FANK1: variants seen among roughly 807,000 people sequenced by gnomAD.
The protein encoded by FANK1 is fibronectin type 3 and ankyrin repeat domains protein 1.
A neutral mutation model predicts 45.3 loss-of-function variants in FANK1; 44 were observed. That is an observed-to-expected ratio of 0.97 (90% CI 0.76 to 1.25). The LOEUF is 1.25. Ranked by LOEUF, FANK1 falls within the 50% of genes most tolerant of loss-of-function variation. The probability of loss-of-function intolerance (pLI) is 0.00; values close to 1 mark genes in which losing one functional copy is unlikely to be tolerated. For missense variants in FANK1, 391 were observed against 424.4 expected, an observed-to-expected ratio of 0.92 and a Z score of 0.69; for synonymous variants, 149 against 152.5, an observed-to-expected ratio of 0.98 and a Z score of 0.17.
At chr10:125,978,045 G>C (rs1164969642) in intron 1 of FANK1, among the ~76,000 whole-genome samples, 1 of 152,164 alleles carries the variant, frequency 6.6e-6, no homozygotes, top group Non-Finnish European at 1.5e-5. Flanking sequence ...GTCCAGTGAG[G>C]AGATATGGAC....
At chr10:125,972,271 C>T (rs912721872) in intron 1 of FANK1, 3 of 152,166 alleles carry the variant, frequency 2.0e-5, no homozygotes, top group African/African-American at 7.2e-5. Flanking sequence ...TCTGTCGGCT[C>T]TTACCAAGGC....
At chr10:125,931,648 A>T (rs1947758585) in intron 1 of FANK1, among the ~76,000 whole-genome samples, 1 of 151,588 alleles carries the variant, frequency 6.6e-6, no homozygotes. Flanking sequence ...ATTTTCTCCC[A>T]CTCTGTGGGT....
chr10:125,898,079 G>T (rs1224100520), intron 1 of FANK1, among the ~76,000 whole-genome samples: 1 of 148,096 alleles, frequency 6.8e-6, no homozygotes, highest in African/African-American at 2.5e-5. Context: ...TATTTGGGAC[G>T]CTGAGGCCGA....
chr10:125,938,772 G>C (rs1425723337), intron 1 of FANK1, among the ~76,000 whole-genome samples: 1 of 152,082 alleles, frequency 6.6e-6, no homozygotes, highest in African/African-American at 2.4e-5. Flanking sequence ...TTGCACCACT[G>C]CACTCCAGTC....
intron 1 of FANK1, among the ~76,000 whole-genome samples, chr10:125,959,963 A>G (rs1949816573): frequency 6.6e-6 from 1 of 152,212 alleles, no homozygotes; most frequent in Admixed American, 6.5e-5. Context: ...AAAAACAAAC[A>G]AACAAAAAAC....
In FANK1 at chr10:126,002,237, A is replaced by C. The variant is rs546701209; in HGVS notation, c.540-2647A>C. Among the ~76,000 whole-genome samples, 59 of 152,270 alleles carry C rather than the reference A, an allele frequency of 3.9e-4. 1 individual carries two copies. The highest frequency in any genetic ancestry group is 7.1e-4 in the Non-Finnish European group (48 of 68,002). ...TGAATCAGGAGAATCACTAGAACCC[A>C]GGAGGCGGAGGTTGCAGTGAGCCAA... On this transcript the variant is annotated intron_variant, in intron 6 of 10. Transcript: ENST00000368693.
At chr10:125,912,443 AGTGTGTGTGTGTGTGTGTG>A (rs1946093527) in intron 1 of FANK1, among the ~76,000 whole-genome samples, 1 of 147,194 alleles carries the variant, frequency 6.8e-6, no homozygotes, top group African/African-American at 2.5e-5. Context: ...GCACCACCAA[AGTGTGTGTGTGTGTGTGTG>A]TGTGTGTGTG....
intron 6 of FANK1, among the ~76,000 whole-genome samples, chr10:126,003,407 A>T (rs915262852): frequency 2.0e-5 from 3 of 152,310 alleles, no homozygotes; most frequent in Admixed American, 1.3e-4. Flanking sequence ...AATTAAAAAA[A>T]AATTAAAGGC....
intron 1 of FANK1, among the ~76,000 whole-genome samples, chr10:125,900,495 A>G (rs77981913): frequency 6.6e-6 from 1 of 151,910 alleles, no homozygotes; most frequent in African/African-American, 2.4e-5. Flanking sequence ...TAAAAACTGT[A>G]TATTTATCAA....
chr10:125,984,863 T>C (rs1024167133), intron 2 of FANK1, among the ~76,000 whole-genome samples: 5 of 152,216 alleles, frequency 3.3e-5, no homozygotes, highest in Non-Finnish European at 7.3e-5. Context: ...CACTCTAAGA[T>C]TCATTTATTT....
chr10:125,970,321 G>A (rs1381507161), intron 1 of FANK1, among the ~76,000 whole-genome samples: 1 of 152,062 alleles, frequency 6.6e-6, no homozygotes, highest in Admixed American at 6.5e-5. Flanking sequence ...CGGCGGCCGG[G>A]CGGAGGCGCT....
chr10:125,902,272 T>C (rs1163213804), intron 1 of FANK1, among the ~76,000 whole-genome samples: 3 of 152,168 alleles, frequency 2.0e-5, no homozygotes, highest in African/African-American at 7.2e-5. Flanking sequence ...AATAATTAAA[T>C]AAAAAATTCT....
intron 7 of FANK1, among the ~76,000 whole-genome samples, chr10:126,006,597 T>C (rs544928029): frequency 2.1e-3 from 314 of 152,300 alleles, no homozygotes; most frequent in Non-Finnish European, 3.6e-3. Flanking sequence ...CAGTGGCTTA[T>C]GCCTGTAATC....
At chr10:125,964,961 C>G (rs796391993) in intron 1 of FANK1, among the ~76,000 whole-genome samples, 1 of 152,192 alleles carries the variant, frequency 6.6e-6, no homozygotes. Context: ...GAGTTCGAGA[C>G]CAGCCTGACT....
At chr10:126,008,351 A>G in intron 7 of FANK1, 56 bp from the exon 8 acceptor site, 1 of 1,519,622 alleles carries the variant, frequency 6.6e-7, no homozygotes, top group Non-Finnish European at 8.8e-7. Flanking sequence ...TATAAGTTTG[A>G]ATCATTTTAA....
rs73372529 is a variant in FANK1 at position 126,003,083 on chromosome 10, G to T, written c.540-1801G>T. On this transcript the variant is annotated intron_variant, in intron 6 of 10. Transcript: ENST00000368693. ...GCCATTCTCTCTCTTTATAGTCTCT[G>T]GTTCTAGACCAGTCCTCTCTTTAAA... Among the ~76,000 whole-genome samples the T allele has an allele frequency of 7.5e-3, 1,118 of 149,778 alleles. 14 individuals are homozygous for T. Among genetic ancestry groups the T allele is most frequent in the African/African-American group, 0.024 (959 of 40,758 alleles).
intron 1 of FANK1, among the ~76,000 whole-genome samples, chr10:125,911,212 A>G (rs1945975844): frequency 6.6e-6 from 1 of 152,142 alleles, no homozygotes; most frequent in Admixed American, 6.5e-5. Flanking sequence ...AAGAAACGTC[A>G]GACTCAGGCA....
intron 1 of FANK1, among the ~76,000 whole-genome samples, chr10:125,933,388 T>C (rs1947876554): frequency 6.6e-6 from 1 of 152,174 alleles, no homozygotes; most frequent in Admixed American, 6.5e-5. Context: ...CAGGGATTTA[T>C]CCGTCTTTTC....
intron 3 of FANK1, among the ~76,000 whole-genome samples, chr10:125,992,464 A>G (rs888217737): frequency 6.6e-6 from 1 of 152,168 alleles, no homozygotes; most frequent in Non-Finnish European, 1.5e-5. Context: ...TCAGCAAGCA[A>G]GGACTGAGGA....
Sources: gnomAD v4.1 joint callset for allele counts (sites outside exome capture counted in the v4.1 genomes callset) on GRCh38, gnomAD v4.1.1 for gene constraint, MANE v1.5 for transcripts, NCBI Gene and HGNC (gene_info 2026-07-23, HGNC 2026-07-21) for gene names.